NTM: variants seen among roughly 807,000 people sequenced by gnomAD.
NTM encodes the protein neurotrimin.
Under a neutral mutation model 42.1 loss-of-function variants are expected in NTM, and 13 were observed. That is an observed-to-expected ratio of 0.31 (90% CI 0.20 to 0.49). NTM has a LOEUF of 0.49. Ranked by LOEUF, NTM falls within the 20% of genes least tolerant of loss-of-function variation. The probability of loss-of-function intolerance (pLI) is 0.99; values close to 1 mark genes in which losing one functional copy is unlikely to be tolerated. For synonymous variants in NTM, 187 were observed against 179.2 expected (o/e 1.04, Z -0.35); for missense variants, 373 against 452.8 (o/e 0.82, Z 1.60).
At chr11:131,470,202 G>A (rs1041544655) in intron 1 of NTM, among the ~76,000 whole-genome samples, 1 of 152,166 alleles carries the variant, frequency 6.6e-6, no homozygotes, top group Non-Finnish European at 1.5e-5. Flanking sequence ...ATTAGCCCGG[G>A]GTTAGAAAGT....
intron 2 of NTM, among the ~76,000 whole-genome samples, chr11:132,033,064 T>C (rs1015902738): frequency 2.6e-5 from 4 of 152,198 alleles, no homozygotes; most frequent in Non-Finnish European, 4.4e-5. Context: ...CTAAACCTCA[T>C]AGCTTTACCT....
intron 1 of NTM, among the ~76,000 whole-genome samples, chr11:131,885,024 G>A (rs759763423): frequency 2.0e-5 from 3 of 152,150 alleles, no homozygotes; most frequent in Non-Finnish European, 2.9e-5. Context: ...TGAGACCCAC[G>A]GTTTGGGTCA....
intron 2 of NTM, among the ~76,000 whole-genome samples, chr11:131,931,911 C>T (rs926848021): frequency 8.5e-5 from 13 of 152,308 alleles, no homozygotes; most frequent in African/African-American, 2.2e-4. Context: ...CTACAGCTGA[C>T]GCATTTCTGG....
At chr11:131,537,515 G>C (rs1309788167) in intron 1 of NTM, 1 of 152,182 alleles carries the variant, frequency 6.6e-6, no homozygotes, top group African/African-American at 2.4e-5. Flanking sequence ...CTGAAGATCA[G>C]CTTCAAAAGG....
chr11:131,428,313 C>T lies in NTM; in HGVS notation c.82+57425C>T, dbSNP rs370086133. Among the ~76,000 whole-genome samples the T allele has an allele frequency of 1.4e-3, 208 of 152,306 alleles. 1 individual carries two copies. Among genetic ancestry groups the T allele is most frequent in the Middle Eastern group, 0.014 (4 of 294 alleles). On this transcript the variant is annotated intron_variant, in intron 1 of 8. Coordinates refer to ENST00000683400, the MANE Select transcript of NTM (RefSeq NM_001352005.2). ...TCTTAGCTGAGCACGTGAACATCAC[C>T]GTAAGTTGGCCAAAACTGCCTTTCC...
At chr11:131,593,497 C>A (rs1294887060) in intron 1 of NTM, among the ~76,000 whole-genome samples, 1 of 152,158 alleles carries the variant, frequency 6.6e-6, no homozygotes, top group Non-Finnish European at 1.5e-5. Context: ...TCAAACAAGC[C>A]AAGTGTAAAG....
chr11:132,234,613 C>T (rs116103196), intron 4 of NTM, among the ~76,000 whole-genome samples: 2,105 of 152,142 alleles, frequency 0.014, 67 homozygotes, highest in Admixed American at 0.083. Flanking sequence ...CTCAGAATCC[C>T]GTAATTACGA....
intron 1 of NTM, among the ~76,000 whole-genome samples, chr11:131,604,492 A>G (rs936986266): frequency 1.5e-4 from 23 of 152,010 alleles, no homozygotes; most frequent in Non-Finnish European, 3.2e-4. Flanking sequence ...CACTTCCTCA[A>G]TAGTGTCTTT....
chr11:132,114,865 G>A (rs776751397), intron 2 of NTM, among the ~76,000 whole-genome samples: 47 of 152,282 alleles, frequency 3.1e-4, no homozygotes, highest in Middle Eastern at 3.4e-3. Flanking sequence ...CAGTTAGGTT[G>A]CTTCCATATC....
intron 2 of NTM, among the ~76,000 whole-genome samples, chr11:131,949,592 G>A (rs1593116261): frequency 6.6e-6 from 1 of 152,146 alleles, no homozygotes; most frequent in Admixed American, 6.5e-5. Context: ...TTGGGGATTC[G>A]GGGTCTTGTG....
chr11:131,960,837 AATT>A (rs1332137230), intron 2 of NTM, among the ~76,000 whole-genome samples: 1 of 152,068 alleles, frequency 6.6e-6, no homozygotes. Flanking sequence ...CACCTTTTCC[AATT>A]ATTTTCTGCT....
At chr11:131,748,859 G>A (rs182818026) in intron 1 of NTM, among the ~76,000 whole-genome samples, 3 of 152,286 alleles carry the variant, frequency 2.0e-5, no homozygotes, top group Non-Finnish European at 4.4e-5. Context: ...TATGGGACTG[G>A]ACGGTTCCCA....
intron 1 of NTM, chr11:131,795,792 G>T (rs955011352): frequency 1.0e-6 from 1 of 985,260 alleles, no homozygotes; most frequent in Non-Finnish European, 1.2e-6. Flanking sequence ...GGGGTTGGGG[G>T]GTGGTGGGAG....
chr11:131,581,714 G>C (rs1158753937), intron 1 of NTM, among the ~76,000 whole-genome samples: 1 of 152,074 alleles, frequency 6.6e-6, no homozygotes, highest in Non-Finnish European at 1.5e-5. Flanking sequence ...TTCTGGTTTT[G>C]GTCTGTTCTG....
At chr11:132,312,666 G>C (rs1565452545) in intron 6 of NTM, 1 of 154,840 alleles carries the variant, frequency 6.5e-6, no homozygotes, top group Non-Finnish European at 1.5e-5. Context: ...CCACTGCAGA[G>C]CTGAAATCTC....
chr11:131,729,010 G>A (rs962003082), intron 1 of NTM, among the ~76,000 whole-genome samples: 4 of 152,128 alleles, frequency 2.6e-5, no homozygotes, highest in Non-Finnish European at 5.9e-5. Flanking sequence ...TGCATCATAG[G>A]GTTGAGATAC....
chr11:132,130,714 C>T (rs1192376473), intron 2 of NTM, among the ~76,000 whole-genome samples: 2 of 152,202 alleles, frequency 1.3e-5, no homozygotes, highest in African/African-American at 4.8e-5. Context: ...TTTCAAACAG[C>T]CCTGCCCCTC....
At chr11:131,713,164 G>A (rs79610915) in intron 1 of NTM, among the ~76,000 whole-genome samples, 217 of 151,968 alleles carry the variant, frequency 1.4e-3, no homozygotes, top group African/African-American at 5.1e-3. Context: ...CACCGGGTGT[G>A]TAATGATAAA....
intron 1 of NTM, among the ~76,000 whole-genome samples, chr11:131,809,587 GA>G (rs2092655052): frequency 6.6e-6 from 1 of 152,210 alleles, no homozygotes; most frequent in Non-Finnish European, 1.5e-5. Flanking sequence ...GGATTCCCTA[GA>G]TATGTTCCTC....
Sources: allele counts gnomAD v4.1 joint callset (sites outside exome capture counted in the v4.1 genomes callset), GRCh38; gene constraint gnomAD v4.1.1; transcripts MANE v1.5; gene names NCBI Gene and HGNC (gene_info 2026-07-23, HGNC 2026-07-21).